SMCO4: variants seen among roughly 807,000 people sequenced by gnomAD.
SMCO4 encodes the protein single-pass membrane and coiled-coil domain-containing protein 4.
In SMCO4, 4 loss-of-function variants were observed where a neutral mutation model predicts 3.6. That is an observed-to-expected ratio of 1.11 (90% CI 0.54 to 2.53). The LOEUF is 2.53. Ranked by LOEUF, SMCO4 falls within the 30% of genes most tolerant of loss-of-function variation. The pLI, the probability that SMCO4 is intolerant of heterozygous loss-of-function variation, is 0.02. For synonymous variants in SMCO4, 36 were observed against 35.3 expected (o/e 1.02, Z -0.07); for missense variants, 70 against 80.8 (o/e 0.87, Z 0.51).
chr11:93,478,745 ACACACACAT>A lies in SMCO4; in HGVS notation c.*256_*264del. On this transcript the variant is annotated 3_prime_UTR_variant, in exon 3 of 3. Coordinates refer to ENST00000298966, the MANE Select transcript of SMCO4 (RefSeq NM_020179.3). ...CACACACACACACACACACACACAC[ACACACACAT>A]GCGCGCGCGCTTTGAAGTCTGAAAG... The A allele has an allele frequency of 7.2e-5, 53 of 737,078 alleles. No individual in the cohort carries two copies. The highest frequency in any genetic ancestry group is 4.9e-4 in the Middle Eastern group (1 of 2,042). The allele number at this position is 737,078 out of a possible 1,614,324, so 45.7% of individuals were successfully genotyped here. A position where few individuals can be genotyped will look rare whatever the true frequency, so the allele number is the denominator to read the frequency against.
intron 2 of SMCO4, among the ~76,000 whole-genome samples, chr11:93,483,130 G>A (rs143864757): frequency 5.6e-4 from 85 of 152,272 alleles, no homozygotes; most frequent in African/African-American, 1.9e-3. Flanking sequence ...TGAGGGTTGG[G>A]GGACTAAAGG....
intron 1 of SMCO4, chr11:93,535,462 C>T (rs1023774794): frequency 8.7e-6 from 12 of 1,373,116 alleles, no homozygotes; most frequent in African/African-American, 1.4e-5. Flanking sequence ...GAGCCAGAGT[C>T]GCCGCGATGG....
At chr11:93,496,950 G>A (rs1948781150) in intron 2 of SMCO4, among the ~76,000 whole-genome samples, 1 of 152,142 alleles carries the variant, frequency 6.6e-6, no homozygotes, top group Non-Finnish European at 1.5e-5. Context: ...GGGATTCCAG[G>A]TTAGAATTTC....
chr11:93,535,634 G>A lies in SMCO4; in HGVS notation c.-154+7642C>T, dbSNP rs896453686. Reference sequence around the variant, plus strand: ...GGCTTTGAGCCTGCAGACAACAAGTGTCTGTTAAGAGCTACCGATGGGAAA... The same window carrying A: ...GGCTTTGAGCCTGCAGACAACAAGTATCTGTTAAGAGCTACCGATGGGAAA... On this transcript the variant is annotated intron_variant, in intron 1 of 2. Coordinates refer to ENST00000298966, the MANE Select transcript of SMCO4 (RefSeq NM_020179.3). The A allele has an allele frequency of 9.4e-6, 15 of 1,591,678 alleles. No homozygotes were observed. In the African/African-American group the frequency reaches 1.6e-4, roughly 17 times the overall value.
At chr11:93,552,237 ATCT>A in the SMCO4 span, among the ~76,000 whole-genome samples, 7 of 148,046 alleles carry the variant, frequency 4.7e-5, no homozygotes, top group South Asian at 1.5e-3. Context: ...GCTCACTGCA[ATCT>A]CCTCCTCCAG....
At position 93,514,413 on chromosome 11, in the gene SMCO4, T is replaced by TATATATACACAC. The variant is rs1555077563; in HGVS notation, c.-153-15066_-153-15065insGTGTGTATATAT. Among the ~76,000 whole-genome samples, 93 of 33,948 alleles carry TATATATACACAC rather than the reference T, an allele frequency of 2.7e-3. 4 individuals are homozygous for TATATATACACAC. Among genetic ancestry groups the TATATATACACAC allele is most frequent in the African/African-American group, 7.5e-3 (80 of 10,712 alleles). The allele number at this position is 33,948 out of a possible 152,430, so 22.3% of individuals were successfully genotyped here. The stretch of plus-strand genomic sequence containing the variant: ...ATATATATATATATATATATATATA[T>TATATATACACAC]ATATATATAAAATTTGGTCTCTTCC... On this transcript the variant is annotated intron_variant, in intron 1 of 2. Transcript: ENST00000298966.
chr11:93,486,890 A>C (rs1473319428), intron 2 of SMCO4, among the ~76,000 whole-genome samples: 1 of 152,220 alleles, frequency 6.6e-6, no homozygotes, highest in Admixed American at 6.5e-5. Context: ...TCTTCAGAAA[A>C]AAACAGTTGA....
At chr11:93,533,470 C>A (rs978240879) in intron 1 of SMCO4, among the ~76,000 whole-genome samples, 1 of 152,182 alleles carries the variant, frequency 6.6e-6, no homozygotes, top group African/African-American at 2.4e-5. Flanking sequence ...CTCAACTCCC[C>A]AGAGCACAGA....
chr11:93,511,262 T>A (rs1948954499), intron 1 of SMCO4, among the ~76,000 whole-genome samples: 1 of 152,100 alleles, frequency 6.6e-6, no homozygotes, highest in Non-Finnish European at 1.5e-5. Flanking sequence ...ACCCCTCCCT[T>A]CCTTCACCTC....
chr11:93,538,018 A>G (rs1949242430), intron 1 of SMCO4: 1 of 152,606 alleles, frequency 6.6e-6, no homozygotes, highest in South Asian at 2.1e-4. Context: ...ATGTTGCACA[A>G]TTTGGAAAAA....
At chr11:93,514,374 CTATATATATATATATATATA>C (rs148462986) in intron 1 of SMCO4, among the ~76,000 whole-genome samples, 98 of 39,094 alleles carry the variant, frequency 2.5e-3, no homozygotes, top group South Asian at 4.9e-3. Context: ...CAGGATGAGG[CTATATATATATATATATATA>C]TATATATATA....
chr11:93,516,127 T>TA (rs762661489), intron 1 of SMCO4, among the ~76,000 whole-genome samples: 12 of 152,090 alleles, frequency 7.9e-5, no homozygotes, highest in Admixed American at 2.0e-4. Flanking sequence ...TCCCTTTTAC[T>TA]AAAAAAGATT....
At chr11:93,508,535 C>G (rs1948929381) in intron 1 of SMCO4, among the ~76,000 whole-genome samples, 1 of 152,088 alleles carries the variant, frequency 6.6e-6, no homozygotes, top group African/African-American at 2.4e-5. Context: ...AAAGCAGGGT[C>G]TTGCCAAATA....
chr11:93,492,947 G>A (rs771453547), intron 2 of SMCO4, among the ~76,000 whole-genome samples: 6 of 152,172 alleles, frequency 3.9e-5, no homozygotes, highest in Admixed American at 6.5e-5. Flanking sequence ...TTTACATAGC[G>A]GTGTGTCAAT....
At chr11:93,483,493 C>G (rs1488434863) in intron 2 of SMCO4, among the ~76,000 whole-genome samples, 2 of 152,186 alleles carry the variant, frequency 1.3e-5, no homozygotes, top group Non-Finnish European at 2.9e-5. Flanking sequence ...GTTGTAGTCA[C>G]CAGGGAAGCC....
intron 1 of SMCO4, among the ~76,000 whole-genome samples, chr11:93,525,697 C>T (rs972956345): frequency 8.5e-5 from 13 of 152,052 alleles, no homozygotes; most frequent in Admixed American, 1.3e-4. Flanking sequence ...GGATTGGATC[C>T]GGAAATTAGA....
At chr11:93,520,005 G>C (rs1177655585) in intron 1 of SMCO4, among the ~76,000 whole-genome samples, 2 of 152,190 alleles carry the variant, frequency 1.3e-5, no homozygotes, top group Admixed American at 1.3e-4. Context: ...GCAAAGAAAA[G>C]CAAAGGTTAG....
chr11:93,478,851 C>T lies in SMCO4; in HGVS notation c.*159G>A, dbSNP rs750871404. On this transcript the variant is annotated 3_prime_UTR_variant, in exon 3 of 3. Transcript: ENST00000298966. ...CATCCCCTATTCCCTCCCAAGAAAGCGGAGATACTTTAATCAAGTCAAAGA... is the reference window on the plus strand; with the variant it reads ...CATCCCCTATTCCCTCCCAAGAAAGTGGAGATACTTTAATCAAGTCAAAGA... The T allele has an allele frequency of 6.3e-6, 9 of 1,423,052 alleles. No individual in the cohort carries two copies. In the East Asian group the frequency reaches 1.5e-4, roughly 24 times the overall value. 88.2% of individuals were successfully genotyped at this position (1,423,052 alleles called of 1,614,324 possible).
intron 1 of SMCO4, among the ~76,000 whole-genome samples, chr11:93,519,585 T>C (rs1360252184): frequency 6.6e-6 from 1 of 152,216 alleles, no homozygotes; most frequent in Non-Finnish European, 1.5e-5. Context: ...CAAAGATGCA[T>C]GTGCAAAATA....
Sources: gnomAD v4.1 joint callset for allele counts (sites outside exome capture counted in the v4.1 genomes callset) on GRCh38, gnomAD v4.1.1 for gene constraint, MANE v1.5 for transcripts, NCBI Gene and HGNC (gene_info 2026-07-23, HGNC 2026-07-21) for gene names.